The following BTRC variants were observed in gnomAD, a reference collection of about 807,000 sequenced individuals.
The protein encoded by BTRC is beta-transducin repeat containing E3 ubiquitin protein ligase.
Under a neutral mutation model 85.5 loss-of-function variants are expected in BTRC, and 42 were observed. That is an observed-to-expected ratio of 0.49 (90% CI 0.38 to 0.64). The LOEUF (loss-of-function observed/expected upper bound fraction) is 0.64. Among genes scored for constraint, BTRC ranks in the 30% least tolerant of loss-of-function variants. BTRC has a pLI of 0.00. For synonymous variants in BTRC, 255 were observed against 263.3 expected (o/e 0.97, Z 0.30); for missense variants, 594 against 743.5 (o/e 0.80, Z 2.34).
chr10:101,529,891 A>C (rs935729961), intron 6 of BTRC, among the ~76,000 whole-genome samples: 1 of 152,084 alleles, frequency 6.6e-6, no homozygotes. Flanking sequence ...CCAGGATTAC[A>C]CTCAGAGGCA....
intron 4 of BTRC, among the ~76,000 whole-genome samples, chr10:101,508,913 TAAAAAAAAAAAAA>T (rs59998718): frequency 1.5e-4 from 15 of 101,952 alleles, no homozygotes; most frequent in Non-Finnish European, 2.2e-4. Context: ...GACTCCATCT[TAAAAAAAAAAAAA>T]AAAAAAAAAA....
chr10:101,381,983 T>C (rs1486808951), intron 1 of BTRC, among the ~76,000 whole-genome samples: 1 of 117,916 alleles, frequency 8.5e-6, no homozygotes, highest in Non-Finnish European at 1.7e-5. Context: ...TTTTTTTTTT[T>C]TTTTTTTTTT....
intron 4 of BTRC, among the ~76,000 whole-genome samples, chr10:101,512,541 C>A (rs1295475086): frequency 6.6e-6 from 1 of 152,208 alleles, no homozygotes; most frequent in Non-Finnish European, 1.5e-5. Flanking sequence ...AGTCAGTCCA[C>A]TATGTATTTC....
chr10:101,476,961 A>G (rs561356051), intron 3 of BTRC, among the ~76,000 whole-genome samples: 53 of 151,982 alleles, frequency 3.5e-4, no homozygotes, highest in African/African-American at 1.2e-3. Context: ...AGCTCTGGGG[A>G]TGGAAACCTA....
At chr10:101,467,345 T>TCC (rs35070682) in intron 3 of BTRC, among the ~76,000 whole-genome samples, 1 of 145,864 alleles carries the variant, frequency 6.9e-6, no homozygotes, top group African/African-American at 2.5e-5. Flanking sequence ...TTTTTTTTTT[T>TCC]CTCTCTATTT....
intron 11 of BTRC, among the ~76,000 whole-genome samples, chr10:101,535,810 G>T (rs2062377029): frequency 6.6e-6 from 1 of 152,214 alleles, no homozygotes. Flanking sequence ...TAATTGGCCA[G>T]AGAGTTACCT....
chr10:101,551,136 G>A, intron 14 of BTRC: 2 of 364,902 alleles, frequency 5.5e-6, no homozygotes, highest in Non-Finnish European at 9.9e-6. Context: ...AGTCATTCCT[G>A]CCCTAGTTAT....
intron 1 of BTRC, among the ~76,000 whole-genome samples, chr10:101,397,795 G>GT (rs1363157441): frequency 6.6e-6 from 1 of 152,104 alleles, no homozygotes; most frequent in Non-Finnish European, 1.5e-5. Flanking sequence ...ATGGCAATTG[G>GT]TAAGGCATCA....
At chr10:101,427,405 C>T (rs1403752755) in intron 1 of BTRC, among the ~76,000 whole-genome samples, 4 of 151,498 alleles carry the variant, frequency 2.6e-5, no homozygotes, top group African/African-American at 4.8e-5. Context: ...CGTGAGCCAC[C>T]GTGCCCAGCC....
intron 2 of BTRC, among the ~76,000 whole-genome samples, chr10:101,446,111 C>A (rs1179903260): frequency 7.9e-6 from 1 of 126,066 alleles, no homozygotes; most frequent in Admixed American, 8.5e-5. Flanking sequence ...TCCCCCCCCA[C>A]CCCCCCAACC....
intron 6 of BTRC, among the ~76,000 whole-genome samples, chr10:101,529,026 A>G (rs2062242536): frequency 1.3e-5 from 2 of 152,234 alleles, no homozygotes; most frequent in Non-Finnish European, 1.5e-5. Context: ...TCTTAAAAGT[A>G]TAATAAAAGA....
intron 1 of BTRC, among the ~76,000 whole-genome samples, chr10:101,369,931 A>G (rs566577233): frequency 2.0e-5 from 3 of 152,054 alleles, no homozygotes; most frequent in Non-Finnish European, 4.4e-5. Flanking sequence ...CACCCACTAT[A>G]TAGATGCCGT....
chr10:101,387,937 G>A (rs1021542188), intron 1 of BTRC, among the ~76,000 whole-genome samples: 5 of 152,000 alleles, frequency 3.3e-5, no homozygotes, highest in African/African-American at 9.7e-5. Context: ...TGATCTGCCT[G>A]CCTCGGCCTC....
At chr10:101,473,750 C>A (rs992483162) in intron 3 of BTRC, among the ~76,000 whole-genome samples, 1 of 151,898 alleles carries the variant, frequency 6.6e-6, no homozygotes, top group Non-Finnish European at 1.5e-5. Context: ...GTGTAAGTCA[C>A]TGGGCCTGGC....
intron 2 of BTRC, among the ~76,000 whole-genome samples, chr10:101,433,273 T>C (rs1255120542): frequency 6.6e-6 from 1 of 152,218 alleles, no homozygotes; most frequent in Non-Finnish European, 1.5e-5. Context: ...TATTTCTATT[T>C]TGTGAAATGA....
At chr10:101,395,497 G>T (rs1943341574) in intron 1 of BTRC, among the ~76,000 whole-genome samples, 1 of 152,002 alleles carries the variant, frequency 6.6e-6, no homozygotes, top group African/African-American at 2.4e-5. Flanking sequence ...CCTTGATCCA[G>T]TAATTAATTT....
At chr10:101,527,109 A>G (rs1408494369) in intron 6 of BTRC, among the ~76,000 whole-genome samples, 1 of 152,230 alleles carries the variant, frequency 6.6e-6, no homozygotes, top group African/African-American at 2.4e-5. Flanking sequence ...TCATTGACAG[A>G]AAAAATTATA....
At chr10:101,492,126 A>G (rs1230284168) in intron 4 of BTRC, among the ~76,000 whole-genome samples, 2 of 152,204 alleles carry the variant, frequency 1.3e-5, no homozygotes, top group Non-Finnish European at 2.9e-5. Context: ...ACAGCAAAAT[A>G]TTTCTAGAAG....
intron 2 of BTRC, among the ~76,000 whole-genome samples, chr10:101,434,792 T>A (rs961368030): frequency 1.3e-5 from 2 of 150,270 alleles, no homozygotes; most frequent in African/African-American, 4.9e-5. Context: ...TGAAACCCCG[T>A]CTCTACTAAA....
Sources: gnomAD v4.1 joint callset for allele counts (sites outside exome capture counted in the v4.1 genomes callset) on GRCh38, gnomAD v4.1.1 for gene constraint, MANE v1.5 for transcripts, NCBI Gene and HGNC (gene_info 2026-07-23, HGNC 2026-07-21) for gene names.